RGS4: variants seen among roughly 807,000 people sequenced by gnomAD.
RGS4 encodes regulator of G protein signaling 4, also known as schizophrenia disorder 9.
RGS4 carries 15 observed loss-of-function variants against 21.6 expected under a neutral mutation model. The observed-to-expected ratio is 0.69, with a 90% CI of 0.46 to 1.07. RGS4 has a LOEUF of 1.07. Ranked by LOEUF, RGS4 falls within the 50% of genes least tolerant of loss-of-function variation. The probability of loss-of-function intolerance (pLI) is 0.00; values close to 1 mark genes in which losing one functional copy is unlikely to be tolerated. For missense variants in RGS4, 237 were observed against 239.0 expected (o/e 0.99, Z 0.06); for synonymous variants, 94 against 85.5 (o/e 1.10, Z -0.55).
rs1655369028 is a variant in RGS4, at chr1:163,072,932, T to C, written c.211+66T>C. On this transcript the variant is annotated intron_variant, in intron 3 of 4. Transcript: ENST00000367909. ...GACAAGTTATATTATGCTGGTCTAA[T>C]AGAAACTGCAGCAAGGCCTGGCTTC... 4 of 1,362,392 alleles carry C rather than the reference T, an allele frequency of 2.9e-6. No individual in the cohort carries two copies. The South Asian group carries it at 4.9e-5, about 17-fold the overall frequency. 84.4% of individuals were successfully genotyped at this position (1,362,392 alleles called of 1,614,324 possible).
At chr1:163,069,801 G>A (rs909920059) in intron 1 of RGS4, among the ~76,000 whole-genome samples, 3 of 152,106 alleles carry the variant, frequency 2.0e-5, no homozygotes, top group Admixed American at 6.6e-5. Context: ...TTTTAATTAA[G>A]AAGCGAGATG....
chr1:163,076,154 C>T lies in RGS4; in HGVS notation c.*1594C>T, dbSNP rs974036458. On this transcript the variant is annotated 3_prime_UTR_variant, in exon 5 of 5. Coordinates refer to ENST00000367909, the MANE Select transcript of RGS4 (RefSeq NM_005613.6). ...TAATGAATGCCCAGGAAGTAATTTT[C>T]TTCTCATTCTTCTAAAACTACTGCC... 3.3e-5 allele frequency: 5 copies of T among 152,558 alleles called. No individual in the cohort carries two copies. Among genetic ancestry groups the T allele is most frequent in the Admixed American group, 2.0e-4 (3 of 15,248 alleles). 9.5% of individuals were successfully genotyped at this position (152,558 alleles called of 1,614,324 possible).
intron 1 of RGS4, 102 bp from the exon 2 acceptor site, chr1:163,072,293 C>G (rs1302687164): frequency 7.2e-6 from 7 of 968,660 alleles, no homozygotes; most frequent in Non-Finnish European, 1.1e-5. Context: ...TAAACTGTCT[C>G]TGAGCCATAG....
At chr1:163,068,913 C>G (rs774613513), upstream of RGS4, 5 of 1,517,258 alleles carry the variant, frequency 3.3e-6, no homozygotes, top group South Asian at 5.8e-5. Flanking sequence ...TTTTGGAAAT[C>G]GTGAGGATCA....
chr1:163,074,001 C>A (rs1459625695), intron 4 of RGS4: 3 of 393,268 alleles, frequency 7.6e-6, no homozygotes, highest in Non-Finnish European at 1.4e-5. Context: ...ATCTTGACAA[C>A]CCCAAATAAA....
rs529291409 is a variant in RGS4 at position 163,071,951 on chromosome 1, G to C, written c.45-444G>C. The C allele has an allele frequency of 1.3e-5, 13 of 980,370 alleles. No homozygotes were observed. In the African/African-American group the frequency reaches 2.3e-4, roughly 18 times the overall value. The allele number at this position is 980,370 out of a possible 1,614,324, so 60.7% of individuals were successfully genotyped here. A position where few individuals can be genotyped will look rare whatever the true frequency, so the allele number is the denominator to read the frequency against. ...AGTTCCCTCTGCCAGCAGGGGAACA[G>C]ATGGAAATAGCAATCACCTGCCAGA... is the stretch of plus-strand genomic sequence containing the variant. On this transcript the variant is annotated intron_variant, in intron 1 of 4. Coordinates refer to ENST00000367909, the MANE Select transcript of RGS4 (RefSeq NM_005613.6).
chr1:163,072,604 C>A, intron 2 of RGS4, 105 bp downstream of exon 2: 1 of 936,836 alleles, frequency 1.1e-6, no homozygotes, highest in Non-Finnish European at 1.7e-6. Flanking sequence ...AGATTTGGAT[C>A]AAGATAGCCT....
intron 1 of RGS4, chr1:163,072,037 T>C: frequency 1.0e-6 from 1 of 998,120 alleles, no homozygotes; most frequent in Non-Finnish European, 1.2e-6. Flanking sequence ...TCCTAAAAAT[T>C]ACTCAGAGAT....
Position 163,074,348 on chromosome 1 carries a change from G to T in RGS4, c.406G>T (p.Glu136Ter). 6.2e-7 allele frequency: 1 copy of T among 1,613,834 alleles called. No individual in the cohort carries two copies. The highest frequency in any genetic ancestry group is 8.5e-7 in the Non-Finnish European group (1 of 1,179,790). Residue 136 changes from glutamate (E) to a stop codon, truncating the protein, a stop_gained, in exon 5 of 5, where the codon GAG (glutamate) becomes TAG (stop). Transcript: ENST00000367909. LOFTEE classifies it high-confidence loss of function. The stretch of plus-strand genomic sequence containing the variant: ...GAACCTGGATTCTTGCACCAGGGAA[G>T]AGACAAGCCGGAACATGCTAGAGCC... ...EVNLDSCTRE[E>*]TSRNMLEPTI... is the part of the protein sequence containing the mutation.
upstream of RGS4, chr1:163,069,062 G>A: frequency 1.9e-6 from 3 of 1,542,536 alleles, no homozygotes; most frequent in Non-Finnish European, 2.6e-6. Context: ...TTTTTTTACA[G>A]GCATATGAAT....
rs41271997 is a variant in RGS4 at position 163,076,070 on chromosome 1, A to C, written c.*1510A>C. ...TATGTTATTTATGATGTTATTTTGT[A>C]CGTGTTATTATTATTATATTGTTTT... On this transcript the variant is annotated 3_prime_UTR_variant, in exon 5 of 5. Coordinates refer to ENST00000367909, the MANE Select transcript of RGS4 (RefSeq NM_005613.6). 6,400 of 152,690 alleles carry C rather than the reference A, an allele frequency of 0.042. 195 individuals are homozygous for C. Among genetic ancestry groups the C allele is most frequent in the South Asian group, 0.11 (536 of 4,828 alleles). The allele number at this position is 152,690 out of a possible 1,614,324, so 9.5% of individuals were successfully genotyped here. A position where few individuals can be genotyped will look rare whatever the true frequency, so the allele number is the denominator to read the frequency against.
At chr1:163,069,321 G>A (rs974593745), upstream of RGS4, 2 of 1,551,394 alleles carry the variant, frequency 1.3e-6, no homozygotes, top group African/African-American at 2.7e-5. Context: ...CTGGACGGTC[G>A]TAGCTGGGCT....
chr1:163,069,227 G>A, upstream of RGS4: 1 of 1,537,762 alleles, frequency 6.5e-7, no homozygotes, highest in Non-Finnish European at 8.8e-7. Context: ...TGATGCGTCA[G>A]TCTTTTCTTC....
chr1:163,073,538 C>A lies in RGS4; in HGVS notation c.294C>A (p.Tyr98Ter). The A allele has an allele frequency of 6.2e-7, 1 of 1,611,666 alleles. No homozygotes were observed. The highest frequency in any genetic ancestry group is 8.5e-7 in the Non-Finnish European group (1 of 1,178,896). ...NIDFWISCEE[Y>*]KKIKSPSKLS... ...ACTTCTGGATCAGCTGTGAAGAGTA[C>A]AAGAAAATCAAATCACCATCTAAAC... The change falls in exon 4 of 5, where the codon TAC becomes TAA. Residue 98 changes from tyrosine (Y) to a stop codon, truncating the protein, a stop_gained. Coordinates refer to ENST00000367909, the MANE Select transcript of RGS4 (RefSeq NM_005613.6). LOFTEE classifies it high-confidence loss of function.
intron 1 of RGS4, 115 bp from the exon 2 acceptor site, chr1:163,072,280 C>A: frequency 1.1e-6 from 1 of 907,870 alleles, no homozygotes; most frequent in Non-Finnish European, 1.6e-6. Context: ...AACTCCCGTT[C>A]CCTAAACTGT....
chr1:163,074,006 A>G, intron 4 of RGS4: 1 of 399,156 alleles, frequency 2.5e-6, no homozygotes, highest in Non-Finnish European at 4.5e-6. Context: ...GACAACCCCA[A>G]ATAAATCAGT....
At chr1:163,071,560 C>T (rs1243814785) in intron 1 of RGS4, among the ~76,000 whole-genome samples, 1 of 151,986 alleles carries the variant, frequency 6.6e-6, no homozygotes, top group Non-Finnish European at 1.5e-5. Flanking sequence ...GTCAGGAGCT[C>T]TAATGTGCCC....
At chr1:163,069,006 T>A, upstream of RGS4, 1 of 1,598,932 alleles carries the variant, frequency 6.3e-7, no homozygotes, top group Non-Finnish European at 8.5e-7. Flanking sequence ...AGCTCCAGAA[T>A]TCCTGCTGGT....
chr1:163,073,995 T>C (rs929814993), intron 4 of RGS4: 2 of 390,810 alleles, frequency 5.1e-6, no homozygotes, highest in Non-Finnish European at 9.1e-6. Flanking sequence ...ATCATAATCT[T>C]GACAACCCCA....
Sources: allele counts gnomAD v4.1 joint callset (sites outside exome capture counted in the v4.1 genomes callset), GRCh38; gene constraint gnomAD v4.1.1; transcripts MANE v1.5; gene names NCBI Gene and HGNC (gene_info 2026-07-23, HGNC 2026-07-21).